TBC1D22A: variants seen among roughly 807,000 people sequenced by gnomAD.
TBC1D22A encodes the protein putative GTPase activator.
Under a neutral mutation model 60.2 loss-of-function variants are expected in TBC1D22A, and 38 were observed. The ratio of observed to expected loss-of-function variants is 0.63; its 90% CI spans 0.49 to 0.83. The LOEUF (loss-of-function observed/expected upper bound fraction) is 0.83, where lower values mean the gene tolerates loss of function less well. Ranked by LOEUF, TBC1D22A falls within the 40% of genes least tolerant of loss-of-function variation. The probability of loss-of-function intolerance (pLI) is 0.00; values close to 1 mark genes in which losing one functional copy is unlikely to be tolerated. For missense variants in TBC1D22A, 628 were observed against 701.0 expected (o/e 0.90, Z 1.18); for synonymous variants, 302 against 281.7 (o/e 1.07, Z -0.72).
In TBC1D22A at chr22:46,795,191, C is replaced by A. The variant is rs549388674; in HGVS notation, c.460+1350C>A. 1.5e-3 allele frequency among the ~76,000 whole-genome samples: 234 copies of A among 152,374 alleles called. 2 individuals carry two copies. Among genetic ancestry groups the A allele is most frequent in the African/African-American group, 5.5e-3 (228 of 41,592 alleles). ...ACCTGGTGACTGACTGAAGCATGCA[C>A]TGACCGCCTTCTGCAGGCCCAGTCC... On this transcript the variant is annotated intron_variant, in intron 3 of 12. Transcript: ENST00000337137.
intron 1 of TBC1D22A, among the ~76,000 whole-genome samples, chr22:46,782,750 G>A (rs191032894): frequency 2.0e-5 from 3 of 152,264 alleles, no homozygotes; most frequent in East Asian, 3.9e-4. Context: ...GGCCTTTTGC[G>A]TCTCTCAGCT....
intron 8 of TBC1D22A, among the ~76,000 whole-genome samples, chr22:46,959,269 G>A (rs2073370071): frequency 6.6e-6 from 1 of 152,182 alleles, no homozygotes; most frequent in Non-Finnish European, 1.5e-5. Context: ...CTGGTGTGAG[G>A]GTGGCACAAG....
intron 4 of TBC1D22A, among the ~76,000 whole-genome samples, chr22:46,831,425 G>T (rs899183421): frequency 6.6e-6 from 1 of 152,106 alleles, no homozygotes; most frequent in African/African-American, 2.4e-5. Context: ...GTAACTCCCG[G>T]ACTCGGAGCA....
At chr22:47,093,826 T>C (rs915963746) in intron 11 of TBC1D22A, among the ~76,000 whole-genome samples, 11 of 152,152 alleles carry the variant, frequency 7.2e-5, no homozygotes, top group African/African-American at 2.7e-4. Context: ...GTTTTTTGGT[T>C]GAGGTTGTTA....
At chr22:47,092,451 T>C (rs2065014978) in intron 11 of TBC1D22A, among the ~76,000 whole-genome samples, 1 of 151,168 alleles carries the variant, frequency 6.6e-6, no homozygotes, top group African/African-American at 2.4e-5. Context: ...CAGGAGAGAG[T>C]GAACGAGGAT....
At chr22:46,808,086 G>A (rs1300226541) in intron 4 of TBC1D22A, among the ~76,000 whole-genome samples, 2 of 152,216 alleles carry the variant, frequency 1.3e-5, no homozygotes, top group Non-Finnish European at 2.9e-5. Context: ...GGCTGGGCAC[G>A]GTGGCTTATG....
At chr22:46,792,385 G>T in intron 1 of TBC1D22A, 135 bp from the exon 2 acceptor site, 3 of 1,203,978 alleles carry the variant, frequency 2.5e-6, no homozygotes, top group Non-Finnish European at 1.2e-6. Flanking sequence ...CTGCAGGGGG[G>T]CCTGCGACAG....
Position 47,079,084 on chromosome 22 carries a change from CT to C in TBC1D22A, c.1330-32404del, listed in dbSNP as rs35269996. Among the ~76,000 whole-genome samples the C allele has an allele frequency of 4.2e-3, 530 of 124,914 alleles. 1 individual carries two copies. The highest frequency in any genetic ancestry group is 8.8e-3 in the Middle Eastern group (2 of 228). 81.9% of individuals were successfully genotyped at this position (124,914 alleles called of 152,430 possible). On this transcript the variant is annotated intron_variant, in intron 11 of 12. Coordinates refer to ENST00000337137, the MANE Select transcript of TBC1D22A (RefSeq NM_014346.5). The stretch of plus-strand genomic sequence containing the variant: ...TGGGTAAGTGAGAATGTAGAGCAGA[CT>C]TTTTTTTTTTTTTTTTTTTGAGACA...
chr22:46,883,692 C>T (rs1335476229), intron 5 of TBC1D22A, among the ~76,000 whole-genome samples: 1 of 152,238 alleles, frequency 6.6e-6, no homozygotes, highest in African/African-American at 2.4e-5. Flanking sequence ...CTGATCACCC[C>T]TGCTGGCCCA....
intron 9 of TBC1D22A, among the ~76,000 whole-genome samples, chr22:46,984,862 GC>G (rs2074661629): frequency 6.6e-6 from 1 of 152,226 alleles, no homozygotes; most frequent in Admixed American, 6.5e-5. Flanking sequence ...AGCAGGTATT[GC>G]CCTTCAGGTG....
rs372015833 is a variant in TBC1D22A, at chr22:46,846,579, A to G, written c.638-32074A>G. Among the ~76,000 whole-genome samples, 138 of 152,370 alleles carry G rather than the reference A, an allele frequency of 9.1e-4. 5 individuals are homozygous for G. In the South Asian group the frequency reaches 0.028, roughly 31 times the overall value. On this transcript the variant is annotated intron_variant, in intron 4 of 12. Transcript: ENST00000337137. ...CACCTTTACCATCTCTCACACTTAA[A>G]AAACAAAAAAAACTGTGTTATAAAA...
intron 4 of TBC1D22A, among the ~76,000 whole-genome samples, chr22:46,868,556 A>T (rs531123577): frequency 2.0e-5 from 3 of 152,258 alleles, no homozygotes; most frequent in Admixed American, 6.5e-5. Context: ...TTTGTACTGG[A>T]AAGAGTAGTC....
At chr22:46,956,620 T>TCAA (rs1209828273) in intron 8 of TBC1D22A, among the ~76,000 whole-genome samples, 2 of 152,152 alleles carry the variant, frequency 1.3e-5, no homozygotes, top group African/African-American at 4.8e-5. Context: ...GGATGTGTAG[T>TCAA]GCCCTGTCAA....
At position 47,045,265 on chromosome 22, in the gene TBC1D22A, C is replaced by A. The variant is rs572950533; in HGVS notation, c.1329+8067C>A. 5.3e-4 allele frequency among the ~76,000 whole-genome samples: 81 copies of A among 152,342 alleles called. 1 individual carries two copies. The highest frequency in any genetic ancestry group is 1.8e-3 in the African/African-American group (76 of 41,574). The stretch of plus-strand genomic sequence containing the variant: ...GGCTGTGTGTTCACTGTCCCTCGGA[C>A]TCTGCGGGAAAACGTGATGCAGAGC... On this transcript the variant is annotated intron_variant, in intron 11 of 12. Coordinates refer to ENST00000337137, the MANE Select transcript of TBC1D22A (RefSeq NM_014346.5).
rs2067226936 is a variant in TBC1D22A at position 46,869,899 on chromosome 22, T to G, written c.638-8754T>G. ...AAAAGGTTCTTATAATTAGGAGTTC[T>G]TTGCATACACCACTTTGTGACAGAT... On this transcript the variant is annotated intron_variant, in intron 4 of 12. Coordinates refer to ENST00000337137, the MANE Select transcript of TBC1D22A (RefSeq NM_014346.5). Among the ~76,000 whole-genome samples the G allele has an allele frequency of 2.0e-5, 3 of 152,266 alleles. No homozygotes were observed. In the South Asian group the frequency reaches 6.2e-4, roughly 31 times the overall value.
intron 9 of TBC1D22A, among the ~76,000 whole-genome samples, chr22:46,975,552 C>T (rs2074262558): frequency 6.6e-6 from 1 of 152,202 alleles, no homozygotes. Context: ...GTTATCCCAG[C>T]TCAAAGGGGG....
intron 8 of TBC1D22A, among the ~76,000 whole-genome samples, chr22:46,970,145 C>T (rs1030979516): frequency 1.3e-5 from 2 of 152,026 alleles, no homozygotes; most frequent in African/African-American, 2.4e-5. Flanking sequence ...GCAGCTTGGG[C>T]ATGTCTTCAT....
intron 12 of TBC1D22A, among the ~76,000 whole-genome samples, chr22:47,149,500 G>A (rs1375521890): frequency 2.6e-5 from 4 of 152,366 alleles, no homozygotes; most frequent in Admixed American, 1.3e-4. Context: ...GCTGGCTGCC[G>A]AGAAGGCTGG....
chr22:46,852,718 G>A (rs903287567), intron 4 of TBC1D22A, among the ~76,000 whole-genome samples: 1 of 152,072 alleles, frequency 6.6e-6, no homozygotes, highest in Non-Finnish European at 1.5e-5. Context: ...ATTGACTCCT[G>A]TCTCTCTGCT....
Sources: gnomAD v4.1 joint callset for allele counts (sites outside exome capture counted in the v4.1 genomes callset) on GRCh38, gnomAD v4.1.1 for gene constraint, MANE v1.5 for transcripts, NCBI Gene and HGNC (gene_info 2026-07-23, HGNC 2026-07-21) for gene names.